The following PCLO variants were observed in gnomAD, a reference collection of about 807,000 sequenced individuals.
PCLO encodes protein piccolo.
Under a neutral mutation model 427.5 loss-of-function variants are expected in PCLO, and 82 were observed. The ratio of observed to expected loss-of-function variants is 0.19; its 90% CI spans 0.16 to 0.23. The LOEUF (loss-of-function observed/expected upper bound fraction) is 0.23, where lower values mean the gene tolerates loss of function less well. PCLO is among the 10% of genes least tolerant of loss of function. PCLO has a pLI of 1.00. For missense variants in PCLO, 6,239 were observed against 6,115.9 expected, an observed-to-expected ratio of 1.02 and a Z score of -0.67; for synonymous variants, 2,357 against 2,155.4, an observed-to-expected ratio of 1.09 and a Z score of -2.59.
chr7:82,875,640 T>A (rs1343891690), intron 10 of PCLO, among the ~76,000 whole-genome samples: 4 of 151,950 alleles, frequency 2.6e-5, no homozygotes, highest in Non-Finnish European at 4.4e-5. Context: ...ATAGTCAGAG[T>A]CTATGCCACT....
At chr7:83,024,438 G>C (rs999200570) in intron 3 of PCLO, among the ~76,000 whole-genome samples, 4 of 152,202 alleles carry the variant, frequency 2.6e-5, no homozygotes, top group Non-Finnish European at 5.9e-5. Flanking sequence ...TATCCCGCAC[G>C]TGGCTCGGAG....
rs566013183 is a variant in PCLO, at chr7:83,018,295, T to A, written c.3301-51808A>T. On this transcript the variant is annotated intron_variant, in intron 3 of 24. Coordinates refer to ENST00000333891, the MANE Select transcript of PCLO (RefSeq NM_033026.6). The stretch of plus-strand genomic sequence containing the variant: ...AGAAAATATAAACATATATAAAGAA[T>A]GTTAGATACATACAGAATGTCAGAA... Among the ~76,000 whole-genome samples, 5 of 152,042 alleles carry A rather than the reference T, an allele frequency of 3.3e-5. No individual in the cohort carries two copies. The East Asian group carries it at 9.7e-4, about 29-fold the overall frequency.
At chr7:83,013,015 C>T (rs1788122500) in intron 3 of PCLO, among the ~76,000 whole-genome samples, 1 of 152,128 alleles carries the variant, frequency 6.6e-6, no homozygotes, top group South Asian at 2.1e-4. Context: ...GAGTTCAATA[C>T]TCATCCCACA....
chr7:82,781,863 G>C (rs1790879976), intron 22 of PCLO, among the ~76,000 whole-genome samples: 1 of 152,202 alleles, frequency 6.6e-6, no homozygotes, highest in African/African-American at 2.4e-5. Context: ...CTTCTGGAGA[G>C]CTGAACACAT....
chr7:82,820,803 T>A, intron 20 of PCLO: 1 of 1,230,854 alleles, frequency 8.1e-7, no homozygotes, highest in Non-Finnish European at 1.0e-6. Context: ...ATATTTATAG[T>A]CATGCTTGAA....
chr7:82,770,411 A>G (rs1443752592), intron 22 of PCLO, among the ~76,000 whole-genome samples: 1 of 152,022 alleles, frequency 6.6e-6, no homozygotes, highest in African/African-American at 2.4e-5. Context: ...AAAATTTTTG[A>G]TGCAGTGGAA....
intron 3 of PCLO, among the ~76,000 whole-genome samples, chr7:83,074,357 G>C (rs760550895): frequency 6.6e-6 from 1 of 151,964 alleles, no homozygotes; most frequent in East Asian, 1.9e-4. Flanking sequence ...GTACATCCTA[G>C]AATTATTTGT....
At chr7:82,820,532 T>G in intron 20 of PCLO, 2 of 1,224,640 alleles carry the variant, frequency 1.6e-6, no homozygotes, top group Non-Finnish European at 2.0e-6. Context: ...GAGATTCACA[T>G]GCCCAACACA....
intron 3 of PCLO, among the ~76,000 whole-genome samples, chr7:82,979,520 C>T (rs566628328): frequency 1.3e-5 from 2 of 152,158 alleles, no homozygotes; most frequent in East Asian, 1.9e-4. Flanking sequence ...GCTTTGCTAC[C>T]TGGTTCCTAA....
At chr7:83,051,427 T>C (rs571198752) in intron 3 of PCLO, among the ~76,000 whole-genome samples, 1 of 152,192 alleles carries the variant, frequency 6.6e-6, no homozygotes, top group East Asian at 1.9e-4. Flanking sequence ...CATTTAGAAT[T>C]TGAAATAAAG....
At chr7:82,793,651 A>G (rs762328405) in intron 22 of PCLO, among the ~76,000 whole-genome samples, 30 of 152,114 alleles carry the variant, frequency 2.0e-4, no homozygotes, top group Non-Finnish European at 2.9e-5. Flanking sequence ...ATAACTGCTA[A>G]TGAACTCTTC....
At chr7:82,863,926 T>C (rs1304826197) in intron 10 of PCLO, among the ~76,000 whole-genome samples, 1 of 151,840 alleles carries the variant, frequency 6.6e-6, no homozygotes. Flanking sequence ...CACAAAAAAG[T>C]TATTTTGCCC....
In PCLO at chr7:82,915,391, T is replaced by C. The variant is rs1249085494; in HGVS notation, c.12595A>G (p.Lys4199Glu). 1.9e-6 allele frequency: 3 copies of C among 1,613,468 alleles called. No homozygotes were observed. The Admixed American group carries it at 5.0e-5, about 27-fold the overall frequency. Residue 4199 changes from lysine to glutamate, a missense_variant, in exon 7 of 25, where the codon AAA becomes GAA. This residue lies in a region of PCLO where 680 missense variants were observed against 677.3 expected (regional missense o/e 1.00). Coordinates refer to ENST00000333891, the MANE Select transcript of PCLO (RefSeq NM_033026.6). ...TGAATAGGTGAAAATTTTGACATTT[T>C]AGGGTCAATTAGTGATTTCTTATGC... The part of the protein sequence containing the change: ...SKHKKSLIDP[K>E]MSKFSPIQES...
Position 83,155,351 on chromosome 7 carries a change from T to C in PCLO, c.1290A>G (p.Pro430=). 6.2e-7 allele frequency: 1 copy of C among 1,613,832 alleles called. No homozygotes were observed. Among genetic ancestry groups the C allele is most frequent in the South Asian group, 1.1e-5 (1 of 91,080 alleles). ...TCTTTGTAGGCCCAGGTGCCTTAGCTGGAGACTGTAGCCCAGGTTGTTGAG... is the reference window on the plus strand; with the variant it reads ...TCTTTGTAGGCCCAGGTGCCTTAGCCGGAGACTGTAGCCCAGGTTGTTGAG... ...PLAQQPGLQS[P]AKAPGPTKTP... is the part of the protein sequence containing the mutation. Residue 430 remains proline (P), a synonymous_variant, in exon 2 of 25, where the codon CCA becomes CCG. Transcript: ENST00000333891.
At chr7:82,852,331 T>G (rs1792685083) in intron 10 of PCLO, among the ~76,000 whole-genome samples, 1 of 152,074 alleles carries the variant, frequency 6.6e-6, no homozygotes, top group Non-Finnish European at 1.5e-5. Context: ...AACATTTTAG[T>G]CAATGAGCTG....
chr7:83,070,960 G>A (rs372070343), intron 3 of PCLO, among the ~76,000 whole-genome samples: 1 of 151,574 alleles, frequency 6.6e-6, no homozygotes, highest in East Asian at 1.9e-4. Context: ...GTGGACAAAT[G>A]TAAGTATCAT....
intron 3 of PCLO, among the ~76,000 whole-genome samples, chr7:82,993,656 A>G (rs1285353370): frequency 1.3e-5 from 2 of 152,068 alleles, no homozygotes; most frequent in Admixed American, 1.3e-4. Flanking sequence ...AATAGACTAC[A>G]GTATAGTGTA....
At chr7:83,089,459 G>C (rs1790323918) in intron 3 of PCLO, among the ~76,000 whole-genome samples, 1 of 151,828 alleles carries the variant, frequency 6.6e-6, no homozygotes, top group African/African-American at 2.4e-5. Flanking sequence ...CCTTCTTCTG[G>C]AAAAATACCC....
At chr7:83,072,767 T>C (rs558037127) in intron 3 of PCLO, among the ~76,000 whole-genome samples, 3 of 152,196 alleles carry the variant, frequency 2.0e-5, no homozygotes, top group African/African-American at 4.8e-5. Flanking sequence ...ATGTTTCCAC[T>C]TGCTGATGCC....
Sources: gnomAD v4.1 joint callset for allele counts (sites outside exome capture counted in the v4.1 genomes callset) on GRCh38, gnomAD v4.1.1 for gene constraint, gnomAD v4.1.1 regional missense constraint, MANE v1.5 for transcripts, NCBI Gene and HGNC (gene_info 2026-07-23, HGNC 2026-07-21) for gene names.